Variants in PHF8 observed in about 807,000 individuals in gnomAD.
The protein encoded by PHF8 is PHD finger protein 8, also known as histone lysine demethylase PHF8.
Under a neutral mutation model 74.4 loss-of-function variants are expected in PHF8, and 9 were observed. That is an observed-to-expected ratio of 0.12 (90% CI 0.07 to 0.21). The LOEUF is 0.21. PHF8 is among the 10% of genes least tolerant of loss of function. The pLI is 1.00. For missense variants in PHF8, 478 were observed against 816.6 expected (o/e 0.59, Z 5.05); for synonymous variants, 311 against 316.6 (o/e 0.98, Z 0.19).
intron 2 of PHF8, chrX:54,040,148 A>G: frequency 8.9e-6 from 1 of 112,409 alleles, no homozygotes; most frequent in Non-Finnish European, 1.9e-5. Context: ...TATAGACTAA[A>G]TAATTTGTCC....
chrX:53,971,783 A>G (rs1306977472), intron 18 of PHF8, among the ~76,000 whole-genome samples: 2 of 111,509 alleles, frequency 1.8e-5, no homozygotes, highest in Non-Finnish European at 3.8e-5. Flanking sequence ...ATGAACTAGG[A>G]AGGAACTGAA....
At chrX:54,042,076 G>A (rs976025342) in intron 2 of PHF8, among the ~76,000 whole-genome samples, 1 of 111,547 alleles carries the variant, frequency 9.0e-6, no homozygotes, top group Non-Finnish European at 1.9e-5. Context: ...GCCGAGGCAG[G>A]CAGATCTCCA....
chrX:53,982,393 T>G (rs2065492872), intron 18 of PHF8, among the ~76,000 whole-genome samples: 1 of 112,914 alleles, frequency 8.9e-6, no homozygotes, highest in East Asian at 2.8e-4. Context: ...AGCATCTGTT[T>G]GGTAAAATAA....
At chrX:54,006,939 CAA>C (rs1219211822) in intron 8 of PHF8, among the ~76,000 whole-genome samples, 25 of 27,745 alleles carry the variant, frequency 9.0e-4, no homozygotes, top group African/African-American at 2.5e-3. Flanking sequence ...AACTTCATCT[CAA>C]AAAAAAAAAA....
chrX:53,963,469 C>A (rs1557091513), intron 18 of PHF8, among the ~76,000 whole-genome samples: 1 of 111,548 alleles, frequency 9.0e-6, no homozygotes, highest in East Asian at 2.8e-4. Context: ...TAACTGTTTA[C>A]TAAGTGAATG....
chrX:53,950,532 T>C (rs1557086627), intron 19 of PHF8, among the ~76,000 whole-genome samples: 1 of 111,899 alleles, frequency 8.9e-6, no homozygotes. Flanking sequence ...GCTACACAAA[T>C]AGAAGTGAAG....
At chrX:54,019,276 G>A (rs1201312352) in intron 4 of PHF8, among the ~76,000 whole-genome samples, 1 of 109,013 alleles carries the variant, frequency 9.2e-6, no homozygotes, top group Non-Finnish European at 1.9e-5. Flanking sequence ...TGGGCAACAT[G>A]GCAAAACCCC....
At chrX:54,012,089 CTT>C (rs1296096315) in intron 7 of PHF8, among the ~76,000 whole-genome samples, 1 of 110,650 alleles carries the variant, frequency 9.0e-6, no homozygotes, top group African/African-American at 3.3e-5. Flanking sequence ...TTATTTAAGA[CTT>C]TGTCTTTGTT....
At position 53,940,176 on chromosome X, in the gene PHF8, G is replaced by T. The variant is rs1557082968; in HGVS notation, c.2986+4C>A. On this transcript the variant is annotated splice_donor_region_variant and intron_variant, in intron 21 of 21. Transcript: ENST00000338154. ...TCGGTTCTACAACCATATGGCCGTTGTACCTTGTCCTGCCTGATTGCTCTG... is the reference window on the plus strand; with the variant it reads ...TCGGTTCTACAACCATATGGCCGTTTTACCTTGTCCTGCCTGATTGCTCTG... 6.9e-6 allele frequency: 8 copies of T among 1,165,052 alleles called. No individual in the cohort carries two copies. Among genetic ancestry groups the T allele is most frequent in the Non-Finnish European group, 9.2e-6 (8 of 867,290 alleles).
At chrX:53,972,078 A>G in intron 18 of PHF8, among the ~76,000 whole-genome samples, 1 of 111,185 alleles carries the variant, frequency 9.0e-6, no homozygotes, top group African/African-American at 3.3e-5. Context: ...TAATCCCAGC[A>G]CTTTGGGAGG....
At chrX:53,952,283 C>CAAAAAAAAAAA (rs782483897) in intron 19 of PHF8, among the ~76,000 whole-genome samples, 1 of 65,581 alleles carries the variant, frequency 1.5e-5, no homozygotes, top group Non-Finnish European at 3.0e-5. Context: ...GACTCTGTCT[C>CAAAAAAAAAAA]AAAAAAAAAA....
At chrX:54,017,227 C>T (rs1191939013) in intron 5 of PHF8, among the ~76,000 whole-genome samples, 1 of 112,864 alleles carries the variant, frequency 8.9e-6, no homozygotes, top group Non-Finnish European at 1.9e-5. Flanking sequence ...AGAAAGATCG[C>T]TTGAGCCCAG....
chrX:54,046,659 C>T (rs2066636325), upstream of PHF8, among the ~76,000 whole-genome samples: 1 of 109,772 alleles, frequency 9.1e-6, no homozygotes, highest in South Asian at 3.9e-4. Context: ...CAAGCAATTC[C>T]TTCACCTGGG....
At chrX:53,960,239 C>G (rs1309611481) in intron 19 of PHF8, among the ~76,000 whole-genome samples, 2 of 107,262 alleles carry the variant, frequency 1.9e-5, no homozygotes, top group East Asian at 6.2e-4. Flanking sequence ...CCACGCCCGG[C>G]TAAGTTTTTG....
In PHF8 at chrX:54,021,492, G is replaced by A. The variant is rs1376557627; in HGVS notation, c.293+767C>T. Among the ~76,000 whole-genome samples the A allele has an allele frequency of 2.9e-3, 208 of 71,022 alleles. 1 individual carries two copies. Among genetic ancestry groups the A allele is most frequent in the Non-Finnish European group, 4.0e-3 (161 of 40,315 alleles). 61.7% of individuals were successfully genotyped at this position (71,022 alleles called of 115,157 possible). A position where few individuals can be genotyped will look rare whatever the true frequency, so the allele number is the denominator to read the frequency against. ...TTTTTTTTTTTTTTTTTTTTGAGAC[G>A]GAGTCTCGCTCTGTCGCCCAGGCTG... On this transcript the variant is annotated intron_variant, in intron 4 of 21. Transcript: ENST00000338154.
chrX:53,982,730 G>C (rs1394069209), intron 18 of PHF8, among the ~76,000 whole-genome samples: 3 of 111,955 alleles, frequency 2.7e-5, no homozygotes, highest in African/African-American at 9.7e-5. Context: ...ATGGTGCTGG[G>C]GGAAATGACT....
intron 2 of PHF8, among the ~76,000 whole-genome samples, chrX:54,033,829 A>G (rs2066403741): frequency 9.0e-6 from 1 of 111,368 alleles, no homozygotes. Flanking sequence ...AGGCTGAGGC[A>G]GGAGAATCAC....
intron 19 of PHF8, among the ~76,000 whole-genome samples, chrX:53,956,675 C>T (rs782486402): frequency 8.2e-5 from 8 of 97,553 alleles, no homozygotes; most frequent in East Asian, 3.3e-4. Flanking sequence ...AAAATATGTG[C>T]GTGTGTGTGT....
At chrX:54,022,109 A>C (rs1557110119) in intron 4 of PHF8, 150 bp downstream of exon 4, 1 of 465,581 alleles carries the variant, frequency 2.1e-6, no homozygotes, top group African/African-American at 2.4e-5. Flanking sequence ...CCAGGAATTG[A>C]CCAAACCAGA....
Sources: gnomAD v4.1 joint callset for allele counts (sites outside exome capture counted in the v4.1 genomes callset) on GRCh38, gnomAD v4.1.1 for gene constraint, MANE v1.5 for transcripts, NCBI Gene and HGNC (gene_info 2026-07-23, HGNC 2026-07-21) for gene names.